Variants in APC observed in about 807,000 individuals in gnomAD.
APC encodes adenomatous polyposis coli protein.
APC carries 72 observed loss-of-function variants against 247.0 expected under a neutral mutation model. That is an observed-to-expected ratio of 0.29 (90% CI 0.24 to 0.35). The LOEUF (loss-of-function observed/expected upper bound fraction) is 0.35, where lower values mean the gene tolerates loss of function less well. Among genes scored for constraint, APC ranks in the 10% least tolerant of loss-of-function variants. The pLI, the probability that APC is intolerant of heterozygous loss-of-function variation, is 1.00. For synonymous variants in APC, 1,254 were observed against 1,162.5 expected (o/e 1.08, Z -1.60); for missense variants, 3,400 against 3,360.7 (o/e 1.01, Z -0.29).
At chr5:112,834,042 C>G (rs937333355) in intron 14 of APC, among the ~76,000 whole-genome samples, 1 of 151,828 alleles carries the variant, frequency 6.6e-6, no homozygotes, top group Non-Finnish European at 1.5e-5. Flanking sequence ...GCCTTGACCT[C>G]CCAGGCGCAA....
rs79315800 is a variant in APC at position 112,817,435 on chromosome 5, C to T, written c.934-1531C>T. Among the ~76,000 whole-genome samples the T allele has an allele frequency of 7.3e-3, 1,114 of 152,260 alleles. 17 individuals are homozygous for T. The highest frequency in any genetic ancestry group is 0.025 in the African/African-American group (1,045 of 41,542). ...TTCTTGGGACCTCATATGCCATTCA[C>T]TGTGCCAGGAGTTGTATGTACCTTA... On this transcript the variant is annotated intron_variant, in intron 9 of 15. Transcript: ENST00000257430.
chr5:112,792,978 G>A (rs1388997133), intron 7 of APC, among the ~76,000 whole-genome samples: 2 of 152,088 alleles, frequency 1.3e-5, no homozygotes, highest in African/African-American at 4.8e-5. Context: ...TGGAAAGCAG[G>A]TAAACAAGTG....
chr5:112,775,265 T>A (rs962983067), intron 4 of APC, among the ~76,000 whole-genome samples: 2 of 152,198 alleles, frequency 1.3e-5, no homozygotes, highest in South Asian at 2.1e-4. Context: ...CTGCTTTTCT[T>A]ATTTCCTTTA....
At chr5:112,785,853 AAAAT>A (rs1213748314) in intron 6 of APC, among the ~76,000 whole-genome samples, 2 of 152,192 alleles carry the variant, frequency 1.3e-5, no homozygotes, top group African/African-American at 4.8e-5. Context: ...TCAAATGTGA[AAAAT>A]AAATCTAAAA....
chr5:112,717,155 C>T (rs550975343), intron 1 of APC, among the ~76,000 whole-genome samples: 1 of 152,216 alleles, frequency 6.6e-6, no homozygotes, highest in Non-Finnish European at 1.5e-5. Flanking sequence ...GGATTACAGG[C>T]ATGTGCCACT....
At chr5:112,827,515 C>A (rs1763825141) in intron 12 of APC, among the ~76,000 whole-genome samples, 1 of 149,328 alleles carries the variant, frequency 6.7e-6, no homozygotes, top group South Asian at 2.2e-4. Flanking sequence ...TTGTAGGGAT[C>A]ATTTCTGTGA....
chr5:112,766,124 A>G (rs1756280016), intron 2 of APC, among the ~76,000 whole-genome samples: 1 of 152,106 alleles, frequency 6.6e-6, no homozygotes, highest in Non-Finnish European at 1.5e-5. Flanking sequence ...ACTCCCCATA[A>G]TCACCATTAT....
chr5:112,774,652 G>C (rs1757408652), intron 4 of APC, among the ~76,000 whole-genome samples: 1 of 151,206 alleles, frequency 6.6e-6, no homozygotes, highest in Admixed American at 6.6e-5. Flanking sequence ...TGTAGAGATG[G>C]GATTTTGGGG....
At chr5:112,709,863 C>CCATT (rs1750747199) in intron 1 of APC, among the ~76,000 whole-genome samples, 1 of 152,168 alleles carries the variant, frequency 6.6e-6, no homozygotes, top group South Asian at 2.1e-4. Context: ...CAAGATTGTG[C>CCATT]CATTGCACTC....
intron 15 of APC, among the ~76,000 whole-genome samples, chr5:112,836,415 C>A (rs1764955523): frequency 6.6e-6 from 1 of 152,100 alleles, no homozygotes; most frequent in Non-Finnish European, 1.5e-5. Flanking sequence ...TTCTGCTATA[C>A]AGAGAAGATT....
rs186760181 is a variant in APC, at chr5:112,809,877, A to T, written c.835-5618A>T. On this transcript the variant is annotated intron_variant, in intron 8 of 15. Coordinates refer to ENST00000257430, the MANE Select transcript of APC (RefSeq NM_000038.6). ...CTGGGCGTGGCAGCGCGTGCCTGTA[A>T]TCCCAGCTACTCGGGAGGCTGAGGC... 7.9e-5 allele frequency among the ~76,000 whole-genome samples: 12 copies of T among 152,144 alleles called. No individual in the cohort carries two copies. In the East Asian group the frequency reaches 2.1e-3, roughly 27 times the overall value.
chr5:112,767,983 G>A (rs2431239), intron 4 of APC, among the ~76,000 whole-genome samples: 60,994 of 151,718 alleles, frequency 0.4, 14,774 homozygotes, highest in East Asian at 0.65. Context: ...AGGCTGAGGC[G>A]GTAGGATTGC....
intron 1 of APC, among the ~76,000 whole-genome samples, chr5:112,708,507 T>C (rs540488742): frequency 6.6e-6 from 1 of 152,152 alleles, no homozygotes; most frequent in Non-Finnish European, 1.5e-5. Context: ...ACTGTTGAGG[T>C]GGGGGCGTGA....
At chr5:112,807,984 G>C (rs1761590404) in intron 8 of APC, among the ~76,000 whole-genome samples, 1 of 151,938 alleles carries the variant, frequency 6.6e-6, no homozygotes, top group Non-Finnish European at 1.5e-5. Context: ...GTGAAACCCT[G>C]TCTCTACTGA....
intron 2 of APC, among the ~76,000 whole-genome samples, chr5:112,765,915 T>G (rs975026774): frequency 6.6e-6 from 1 of 152,194 alleles, no homozygotes; most frequent in African/African-American, 2.4e-5. Flanking sequence ...AGATTATGTG[T>G]TAATTTGGTG....
At chr5:112,816,585 G>A (rs1762533599) in intron 9 of APC, among the ~76,000 whole-genome samples, 1 of 152,050 alleles carries the variant, frequency 6.6e-6, no homozygotes, top group African/African-American at 2.4e-5. Flanking sequence ...CTTGAGGCCA[G>A]GAGTTCGAAA....
chr5:112,747,777 C>T (rs1274722525), intron 1 of APC, among the ~76,000 whole-genome samples: 1 of 152,066 alleles, frequency 6.6e-6, no homozygotes, highest in Non-Finnish European at 1.5e-5. Flanking sequence ...CTAAGACTTC[C>T]TAGTTCTCTG....
intron 8 of APC, among the ~76,000 whole-genome samples, chr5:112,807,098 A>C (rs1411273366): frequency 6.7e-6 from 1 of 149,930 alleles, no homozygotes; most frequent in Non-Finnish European, 1.5e-5. Context: ...GTACCACTGC[A>C]CTCTAGCCTG....
chr5:112,818,602 T>A (rs1580525446), intron 9 of APC, among the ~76,000 whole-genome samples: 1 of 152,212 alleles, frequency 6.6e-6, no homozygotes, highest in East Asian at 1.9e-4. Flanking sequence ...AACTACATTC[T>A]CTATGTGTGT....
Sources: gnomAD v4.1 joint callset for allele counts (sites outside exome capture counted in the v4.1 genomes callset) on GRCh38, gnomAD v4.1.1 for gene constraint, MANE v1.5 for transcripts, NCBI Gene and HGNC (gene_info 2026-07-23, HGNC 2026-07-21) for gene names.